The following SYT16 variants were observed in gnomAD, a reference collection of about 807,000 sequenced individuals.
SYT16 encodes synaptotagmin 16.
SYT16 carries 42 observed loss-of-function variants against 61.4 expected under a neutral mutation model. The observed-to-expected ratio is 0.68, with a 90% CI of 0.53 to 0.89. The LOEUF (loss-of-function observed/expected upper bound fraction) is 0.89, where lower values mean the gene tolerates loss of function less well. Among genes scored for constraint, SYT16 ranks in the 40% least tolerant of loss-of-function variants. The pLI is 0.00. For missense variants in SYT16, 804 were observed against 807.3 expected, an observed-to-expected ratio of 1.00 and a Z score of 0.05; for synonymous variants, 314 against 302.3, an observed-to-expected ratio of 1.04 and a Z score of -0.40.
chr14:61,995,972 A>C lies in SYT16; in HGVS notation c.-48A>C. On this transcript the variant is annotated 5_prime_UTR_variant, in exon 3 of 8. Transcript: ENST00000683842. ...CTATAGTTCACATTCAATCCAGAGC[A>C]CTGAAGGAACTGAACAACTGGACAC... 2 of 1,513,192 alleles carry C rather than the reference A, an allele frequency of 1.3e-6. No individual in the cohort carries two copies. The allele number at this position is 1,513,192 out of a possible 1,614,324, so 93.7% of individuals were successfully genotyped here.
At chr14:62,007,624 T>C (rs895140792) in intron 3 of SYT16, among the ~76,000 whole-genome samples, 2 of 152,124 alleles carry the variant, frequency 1.3e-5, no homozygotes, top group Non-Finnish European at 2.9e-5. Context: ...ATTTCAGGCA[T>C]ATAACAAAAT....
At chr14:62,050,256 G>A (rs1271877626) in intron 3 of SYT16, among the ~76,000 whole-genome samples, 1 of 152,080 alleles carries the variant, frequency 6.6e-6, no homozygotes, top group Non-Finnish European at 1.5e-5. Context: ...TCTTCCAGTT[G>A]ATGGCATCAG....
At chr14:62,023,491 C>G (rs1595182144) in intron 3 of SYT16, among the ~76,000 whole-genome samples, 1 of 152,136 alleles carries the variant, frequency 6.6e-6, no homozygotes, top group African/African-American at 2.4e-5. Context: ...TGGGTTCACT[C>G]TTCTGTGCTT....
intron 2 of SYT16, among the ~76,000 whole-genome samples, chr14:61,990,163 A>AT (rs1362545922): frequency 3.3e-5 from 5 of 152,116 alleles, no homozygotes; most frequent in African/African-American, 1.2e-4. Context: ...TATAGTTCTT[A>AT]TTTTGACTCC....
chr14:61,995,509 G>A (rs1189824095), intron 2 of SYT16, among the ~76,000 whole-genome samples: 1 of 152,126 alleles, frequency 6.6e-6, no homozygotes, highest in Non-Finnish European at 1.5e-5. Flanking sequence ...TTTGGGATCT[G>A]CAGGTTTGTA....
In SYT16 at chr14:62,105,580, T is replaced by C. The variant is rs1022619564; in HGVS notation, c.*4873T>C. ...CTAATGAAAGAAATTCAGTTGATAC[T>C]ACTTTTTAAAATGGGTTTTAAGAGT... On this transcript the variant is annotated 3_prime_UTR_variant, in exon 8 of 8. Transcript: ENST00000683842. The C allele has an allele frequency of 6.6e-6, 1 of 152,258 alleles. No homozygotes were observed. Among genetic ancestry groups the C allele is most frequent in the Non-Finnish European group, 1.5e-5 (1 of 68,042 alleles). 9.4% of individuals were successfully genotyped at this position (152,258 alleles called of 1,614,324 possible).
At chr14:61,891,654 A>G (rs971300531) in intron 1 of SYT16, among the ~76,000 whole-genome samples, 3 of 152,246 alleles carry the variant, frequency 2.0e-5, no homozygotes. Context: ...AGAACAACTT[A>G]TTAGAACAGA....
intron 1 of SYT16, among the ~76,000 whole-genome samples, chr14:61,944,662 T>C (rs1311161822): frequency 6.6e-6 from 1 of 152,136 alleles, no homozygotes; most frequent in Admixed American, 6.5e-5. Context: ...TAAAAAACAG[T>C]GTTGGGAAAA....
chr14:62,023,462 A>G (rs959249678), intron 3 of SYT16, among the ~76,000 whole-genome samples: 5 of 152,142 alleles, frequency 3.3e-5, no homozygotes, highest in African/African-American at 1.2e-4. Context: ...AACTTGGGGG[A>G]AATTTTTACT....
intron 1 of SYT16, among the ~76,000 whole-genome samples, chr14:61,939,741 A>C (rs2050135755): frequency 2.0e-5 from 3 of 152,076 alleles, no homozygotes; most frequent in Admixed American, 1.3e-4. Flanking sequence ...ATTTTATGGG[A>C]GACACAGTTC....
intron 1 of SYT16, among the ~76,000 whole-genome samples, chr14:61,899,276 A>G (rs1290106294): frequency 2.6e-5 from 4 of 152,128 alleles, no homozygotes; most frequent in African/African-American, 9.7e-5. Flanking sequence ...CATTTGCTCC[A>G]TGTACCCTGA....
intron 3 of SYT16, among the ~76,000 whole-genome samples, chr14:62,003,366 G>A (rs972124747): frequency 1.3e-5 from 2 of 151,778 alleles, no homozygotes; most frequent in African/African-American, 4.8e-5. Context: ...TGACTCCCAT[G>A]GGTTCTGTAC....
At chr14:62,112,577 TA>T (rs562162249), downstream of SYT16, 140 of 152,224 alleles carry the variant, frequency 9.2e-4, no homozygotes, top group African/African-American at 3.3e-3. Context: ...TTTTTTATGT[TA>T]AAAAAAGATA....
intron 3 of SYT16, among the ~76,000 whole-genome samples, chr14:62,047,605 G>A (rs1044846983): frequency 1.3e-5 from 2 of 152,200 alleles, no homozygotes; most frequent in Admixed American, 6.5e-5. Context: ...GATATTGGCT[G>A]TGGGTTTGTC....
chr14:61,870,886 ATC>A (rs2140303538), intron 1 of SYT16, among the ~76,000 whole-genome samples: 1 of 152,122 alleles, frequency 6.6e-6, no homozygotes, highest in South Asian at 2.1e-4. Flanking sequence ...TAATTCTATA[ATC>A]TCTGTCATTA....
At chr14:61,835,250 ATTTTTTTTTT>A (rs11378872) in intron 1 of SYT16, among the ~76,000 whole-genome samples, 25 of 110,808 alleles carry the variant, frequency 2.3e-4, no homozygotes, top group African/African-American at 4.2e-4. Flanking sequence ...TGAAAGGTGA[ATTTTTTTTTT>A]TTTTTTTTTT....
intron 1 of SYT16, among the ~76,000 whole-genome samples, chr14:61,822,653 A>C (rs1271742480): frequency 1.3e-5 from 2 of 152,232 alleles, no homozygotes; most frequent in Admixed American, 1.3e-4. Context: ...CTATTGGGGA[A>C]GTCCATCTGA....
intron 6 of SYT16, among the ~76,000 whole-genome samples, chr14:62,083,565 C>T (rs1033272709): frequency 2.6e-5 from 4 of 152,178 alleles, no homozygotes; most frequent in Non-Finnish European, 4.4e-5. Flanking sequence ...TCGCTGAGAC[C>T]CACAACCCAT....
intron 2 of SYT16, among the ~76,000 whole-genome samples, chr14:61,972,192 G>A (rs1444682394): frequency 6.6e-6 from 1 of 152,182 alleles, no homozygotes; most frequent in African/African-American, 2.4e-5. Context: ...TAATGGCTGC[G>A]AGGAATGACA....
Sources: allele counts gnomAD v4.1 joint callset (sites outside exome capture counted in the v4.1 genomes callset), GRCh38; gene constraint gnomAD v4.1.1; transcripts MANE v1.5; gene names NCBI Gene and HGNC (gene_info 2026-07-23, HGNC 2026-07-21).